Variants in FBLN1 observed in about 807,000 individuals in gnomAD.
FBLN1 encodes fibulin-1.
Under a neutral mutation model 89.7 loss-of-function variants are expected in FBLN1, and 34 were observed. That is an observed-to-expected ratio of 0.38 (90% confidence interval 0.29 to 0.50). The LOEUF (loss-of-function observed/expected upper bound fraction) is 0.50, where lower values mean the gene tolerates loss of function less well. Ranked by LOEUF, FBLN1 falls within the 20% of genes least tolerant of loss-of-function variation. The probability of loss-of-function intolerance (pLI) is 0.92; values close to 1 mark genes in which losing one functional copy is unlikely to be tolerated. For synonymous variants in FBLN1, 393 were observed against 391.3 expected (o/e 1.00, Z -0.05); for missense variants, 777 against 988.1 (o/e 0.79, Z 2.86).
chr22:45,585,408 C>T (rs1461479587), intron 16 of FBLN1, among the ~76,000 whole-genome samples: 8 of 152,254 alleles, frequency 5.3e-5, no homozygotes, highest in Admixed American at 5.2e-4. Context: ...ATGTGCGCCG[C>T]TGACCGCGTC....
rs9626394 is a variant in FBLN1 at position 45,562,127 on chromosome 22, G to A, written c.1697+11512G>A. On this transcript the variant is annotated intron_variant, in intron 14 of 16. Coordinates refer to ENST00000327858, the MANE Select transcript of FBLN1 (RefSeq NM_006486.3). The surrounding 1 kb of genome is among the most constrained non-coding windows in gnomAD (Gnocchi z 7.8). ...GACACTATTAACCATCACAGGACCT[G>A]TCCCCGTCTCCACTGCAGGAAGTTA... is the stretch of plus-strand genomic sequence containing the variant. 0.01 allele frequency among the ~76,000 whole-genome samples: 1,545 copies of A among 152,270 alleles called. 37 individuals are homozygous for A. The highest frequency in any genetic ancestry group is 0.036 in the African/African-American group (1,491 of 41,540).
Position 45,575,481 on chromosome 22 carries a change from G to A in FBLN1, c.1840+828G>A, listed in dbSNP as rs1032776459. Among the ~76,000 whole-genome samples, 1 of 152,140 alleles carries A rather than the reference G, an allele frequency of 6.6e-6. No homozygotes were observed. The highest frequency in any genetic ancestry group is 1.5e-5 in the Non-Finnish European group (1 of 68,034). ...GAAGGATAAACAGGAGGCTAAAACT[G>A]GAGTTGGGCCTTCAACCCCCAGGCT... On this transcript the variant is annotated intron_variant, in intron 15 of 16. Transcript: ENST00000327858. This position sits in a 1 kb window ranked among gnomAD's most constrained non-coding sequence, Gnocchi z 6.3.
chr22:45,553,796 G>A (rs905828928), intron 14 of FBLN1, among the ~76,000 whole-genome samples: 3 of 152,112 alleles, frequency 2.0e-5, no homozygotes, highest in African/African-American at 7.2e-5. Context: ...TGATGACGGC[G>A]GGAGCTGCAC....
intron 6 of FBLN1, among the ~76,000 whole-genome samples, chr22:45,533,507 C>T (rs918540083): frequency 3.9e-5 from 6 of 152,208 alleles, no homozygotes; most frequent in Admixed American, 2.6e-4. Context: ...GATGCTGCCC[C>T]TCCGTGGGGT....
intron 16 of FBLN1, among the ~76,000 whole-genome samples, chr22:45,595,187 G>A (rs551366180): frequency 2.6e-5 from 4 of 152,198 alleles, no homozygotes; most frequent in East Asian, 1.9e-4. Context: ...GGGCAGGTCC[G>A]CTGACAGGGC....
rs1167455604 is a variant in FBLN1, at chr22:45,587,427, C to G, written c.1972+10319C>G. On this transcript the variant is annotated intron_variant, in intron 16 of 16. Transcript: ENST00000327858. ...CCAGAGCCCCACTTTTCACATCCAT[C>G]CCCGCTGCCCGGCCAGAGAGACATC... Among the ~76,000 whole-genome samples, 8 of 151,084 alleles carry G rather than the reference C, an allele frequency of 5.3e-5. No homozygotes were observed. The East Asian group carries it at 1.4e-3, about 26-fold the overall frequency.
In FBLN1 at chr22:45,578,108, G is replaced by C; in HGVS notation, c.1972+1000G>C. 1 of 152,034 alleles carries C rather than the reference G, an allele frequency of 6.6e-6. No homozygotes were observed. Among genetic ancestry groups the C allele is most frequent in the Non-Finnish European group, 1.5e-5 (1 of 68,052 alleles). The allele number at this position is 152,034 out of a possible 1,614,324, so 9.4% of individuals were successfully genotyped here. A position where few individuals can be genotyped will look rare whatever the true frequency, so the allele number is the denominator to read the frequency against. Reference sequence around the variant, plus strand: ...TGGGCTTCCTAGTCCCTTAGGCGCTGGAGTCCGGGAGGTCCTAACCAGAAC... The same window carrying C: ...TGGGCTTCCTAGTCCCTTAGGCGCTCGAGTCCGGGAGGTCCTAACCAGAAC... On this transcript the variant is annotated intron_variant, in intron 16 of 16. Transcript: ENST00000327858. This position sits in a 1 kb window ranked among gnomAD's most constrained non-coding sequence, Gnocchi z 4.6.
rs572690302 is a variant in FBLN1 at position 45,562,658 on chromosome 22, C to T, written c.1698-11853C>T. Among the ~76,000 whole-genome samples, 15 of 152,330 alleles carry T rather than the reference C, an allele frequency of 9.8e-5. No homozygotes were observed. The highest frequency in any genetic ancestry group is 6.2e-4 in the South Asian group (3 of 4,828). ...AGTGAGCAGGGGACGCACCTCACTCCGGGCACAGCCTTTGGCCCCCGGCCA... is the reference window on the plus strand; with the variant it reads ...AGTGAGCAGGGGACGCACCTCACTCTGGGCACAGCCTTTGGCCCCCGGCCA... On this transcript the variant is annotated intron_variant, in intron 14 of 16. Transcript: ENST00000327858. The surrounding 1 kb of genome is among the most constrained non-coding windows in gnomAD (Gnocchi z 7.8).
Position 45,562,225 on chromosome 22 carries a change from C to T in FBLN1, c.1697+11610C>T, listed in dbSNP as rs1454287770. 6.6e-6 allele frequency among the ~76,000 whole-genome samples: 1 copy of T among 152,128 alleles called. No homozygotes were observed. Among genetic ancestry groups the T allele is most frequent in the Non-Finnish European group, 1.5e-5 (1 of 68,040 alleles). ...CTATCACAGGAAGTTGGGATCTGGC[C>T]CTGTGGACCCAGATGGGTTACTGAG... On this transcript the variant is annotated intron_variant, in intron 14 of 16. Coordinates refer to ENST00000327858, the MANE Select transcript of FBLN1 (RefSeq NM_006486.3). The surrounding 1 kb of genome is among the most constrained non-coding windows in gnomAD (Gnocchi z 7.8).
At chr22:45,523,563 G>A (rs1352860429) in intron 2 of FBLN1, among the ~76,000 whole-genome samples, 2 of 152,136 alleles carry the variant, frequency 1.3e-5, no homozygotes, top group African/African-American at 2.4e-5. Flanking sequence ...AATTAGCTGG[G>A]CATGGTGGCA....
intron 16 of FBLN1, among the ~76,000 whole-genome samples, chr22:45,596,595 AAT>A (rs2146670378): frequency 6.7e-6 from 1 of 149,366 alleles, no homozygotes; most frequent in Admixed American, 6.7e-5. Context: ...TCAACATAAG[AAT>A]ATGATTACTA....
chr22:45,512,589 G>A lies in FBLN1; in HGVS notation c.80-6093G>A, dbSNP rs113257765. On this transcript the variant is annotated intron_variant, in intron 1 of 16. Coordinates refer to ENST00000327858, the MANE Select transcript of FBLN1 (RefSeq NM_006486.3). ...GCGAAGCTCAGGACACCTGGTGTTT[G>A]GATATCCACAGGTGACCGGATCCCC... Among the ~76,000 whole-genome samples, 235 of 152,266 alleles carry A rather than the reference G, an allele frequency of 1.5e-3. 1 individual carries two copies. In the South Asian group the frequency reaches 0.026, roughly 17 times the overall value.
chr22:45,531,284 G>C lies in FBLN1; in HGVS notation c.504G>C (p.Glu168Asp). The part of the protein sequence containing the change: ...LQETDKIIEV[E>D]EEQEDPYLND... ...CCTTAGATAAGATCATTGAGGTTGA[G>C]GAGGAACAAGAGGACCCATATCTGA... The change falls in exon 5 of 17, where the codon GAG becomes GAC. Residue 168 changes from glutamate (E) to aspartate (D), a missense_variant. Coordinates refer to ENST00000327858, the MANE Select transcript of FBLN1 (RefSeq NM_006486.3). The surrounding 1 kb of genome is among the most constrained non-coding windows in gnomAD (Gnocchi z 4.9). The C allele has an allele frequency of 6.2e-7, 1 of 1,614,018 alleles. No individual in the cohort carries two copies. Among genetic ancestry groups the C allele is most frequent in the African/African-American group, 1.3e-5 (1 of 75,032 alleles).
In FBLN1 at chr22:45,576,991, C is replaced by T. The variant is rs201056633; in HGVS notation, c.1855C>T (p.Arg619Trp). Reference sequence around the variant, plus strand: ...TGCCTCTGCAGAGATCATCTTCCTCCGGGCCATCACGCCACCGCATCCTGC... The same window carrying T: ...TGCCTCTGCAGAGATCATCTTCCTCTGGGCCATCACGCCACCGCATCCTGC... ...FTRPEEIIFL[R>W]AITPPHPASQ... The change falls in exon 16 of 17, where the codon CGG (arginine) becomes TGG (tryptophan). Residue 619 changes from arginine to tryptophan, a missense_variant. Transcript: ENST00000327858. The surrounding 1 kb of genome is among the most constrained non-coding windows in gnomAD (Gnocchi z 5.2). 2.4e-5 allele frequency: 38 copies of T among 1,613,984 alleles called. No individual in the cohort carries two copies. Among genetic ancestry groups the T allele is most frequent in the Admixed American group, 1.5e-4 (9 of 60,020 alleles).
rs1463558847 is a variant in FBLN1, at chr22:45,578,310, C to G, written c.1972+1202C>G. ...CAAAGAGCCATTTATAGCACCTTTA[C>G]AAGCTTTTAAATGGGTTTGCATGTT... is the stretch of plus-strand genomic sequence containing the variant. On this transcript the variant is annotated intron_variant, in intron 16 of 16. Transcript: ENST00000327858. This position sits in a 1 kb window ranked among gnomAD's most constrained non-coding sequence, Gnocchi z 4.6. 1 of 152,224 alleles carries G rather than the reference C, an allele frequency of 6.6e-6. No homozygotes were observed. Among genetic ancestry groups the G allele is most frequent in the African/African-American group, 2.4e-5 (1 of 41,448 alleles). The allele number at this position is 152,224 out of a possible 1,614,324, so 9.4% of individuals were successfully genotyped here. A position where few individuals can be genotyped will look rare whatever the true frequency, so the allele number is the denominator to read the frequency against.
At chr22:45,517,329 G>A (rs1203571201) in intron 1 of FBLN1, 1 of 326,328 alleles carries the variant, frequency 3.1e-6, no homozygotes, top group African/African-American at 2.2e-5. Flanking sequence ...AATGCTTTCT[G>A]GCATTTGAGT....
rs1180909136 is a variant in FBLN1, at chr22:45,590,724, T to C, written c.1973-9583T>C. Among the ~76,000 whole-genome samples, 1 of 152,030 alleles carries C rather than the reference T, an allele frequency of 6.6e-6. No homozygotes were observed. Among genetic ancestry groups the C allele is most frequent in the East Asian group, 1.9e-4 (1 of 5,180 alleles). ...GAATAGAATCCATTGGCCTCAGTGA[T>C]GGTTTAACCTGAGGGATGGGAGTAA... On this transcript the variant is annotated intron_variant, in intron 16 of 16. Coordinates refer to ENST00000327858, the MANE Select transcript of FBLN1 (RefSeq NM_006486.3). This position sits in a 1 kb window ranked among gnomAD's most constrained non-coding sequence, Gnocchi z 4.1.
chr22:45,569,153 A>T (rs2088929437), intron 14 of FBLN1, among the ~76,000 whole-genome samples: 1 of 152,214 alleles, frequency 6.6e-6, no homozygotes, highest in African/African-American at 2.4e-5. Flanking sequence ...GGAAGGATGT[A>T]ATGCAAACCA....
chr22:45,560,990 T>C (rs996067347), intron 14 of FBLN1, among the ~76,000 whole-genome samples: 2 of 152,268 alleles, frequency 1.3e-5, no homozygotes, highest in Middle Eastern at 3.4e-3. Context: ...GCGGGGATGT[T>C]GCCACTACTG....
Sources: gnomAD v4.1 joint callset for allele counts (sites outside exome capture counted in the v4.1 genomes callset) on GRCh38, gnomAD v4.1.1 for gene constraint, Gnocchi (gnomAD v3.1) non-coding constraint, MANE v1.5 for transcripts, NCBI Gene and HGNC (gene_info 2026-07-23, HGNC 2026-07-21) for gene names.